VCAN: variants seen among roughly 807,000 people sequenced by gnomAD.
The protein encoded by VCAN is versican core protein.
In VCAN, 44 loss-of-function variants were observed where a neutral mutation model predicts 245.5. That is an observed-to-expected ratio of 0.18 (90% CI 0.14 to 0.23). VCAN has a LOEUF of 0.23. Ranked by LOEUF, VCAN falls within the 10% of genes least tolerant of loss-of-function variation. The pLI is 1.00. For missense variants in VCAN, 3,793 were observed against 4,057.9 expected (o/e 0.93, Z 1.77); for synonymous variants, 1,413 against 1,437.0 (o/e 0.98, Z 0.38).
In VCAN at chr5:83,537,308, A is replaced by G. The variant is rs533923958; in HGVS notation, c.4305A>G (p.Glu1435=). The G allele has an allele frequency of 6.2e-6, 10 of 1,613,984 alleles. No individual in the cohort carries two copies. In the East Asian group the frequency reaches 2.2e-4, roughly 36 times the overall value. Residue 1435 remains glutamate, a synonymous_variant, in exon 8 of 15, where the codon GAA becomes GAG. Transcript: ENST00000265077. ...CAGAAGCTAGGCGTGGCCAGTTTGA[A>G]AGTGTTGCACCTTCTCAGAATTTCT... ...EAAEARRGQF[E]SVAPSQNFSD...
At chr5:83,487,571 G>A (rs1400230624) in intron 2 of VCAN, among the ~76,000 whole-genome samples, 1 of 152,056 alleles carries the variant, frequency 6.6e-6, no homozygotes, top group Non-Finnish European at 1.5e-5. Flanking sequence ...TTTCGTTTTT[G>A]TGACCCAGTG....
rs570653687 is a variant in VCAN at position 83,576,538 on chromosome 5, G to A, written c.9881-3442G>A. Among the ~76,000 whole-genome samples the A allele has an allele frequency of 1.1e-4, 17 of 152,200 alleles. No individual in the cohort carries two copies. In the South Asian group the frequency reaches 3.5e-3, roughly 32 times the overall value. ...AAACAATGTTTCTATGAGCATTCTT[G>A]AACTTGTTCTTGGTCAACTTTTGTG... On this transcript the variant is annotated intron_variant, in intron 13 of 14. Transcript: ENST00000265077.
intron 6 of VCAN, among the ~76,000 whole-genome samples, chr5:83,516,088 C>T (rs753060783): frequency 5.5e-4 from 84 of 152,066 alleles, no homozygotes; most frequent in Non-Finnish European, 8.5e-4. Context: ...AAAAATTAGC[C>T]GGGCATGGTG....
At chr5:83,572,307 C>G (rs922565903) in intron 12 of VCAN, 109 bp from the exon 13 acceptor site, 67 of 1,347,848 alleles carry the variant, frequency 5.0e-5, no homozygotes, top group Admixed American at 3.4e-5. Flanking sequence ...CTATATGAAA[C>G]AACAGAAATT....
chr5:83,574,392 C>A (rs13164259), intron 13 of VCAN, among the ~76,000 whole-genome samples: 5,976 of 152,128 alleles, frequency 0.039, 184 homozygotes, highest in Non-Finnish European at 0.056. Flanking sequence ...GTTTTTAAAC[C>A]GTATTTAAAT....
intron 1 of VCAN, among the ~76,000 whole-genome samples, chr5:83,474,654 A>G (rs1744319877): frequency 6.6e-6 from 1 of 152,000 alleles, no homozygotes. Context: ...AGACTGCAGT[A>G]CAGCCGCACA....
chr5:83,560,468 G>A (rs1747826010), intron 12 of VCAN, among the ~76,000 whole-genome samples: 1 of 152,080 alleles, frequency 6.6e-6, no homozygotes, highest in African/African-American at 2.4e-5. Context: ...TGCATAAGGT[G>A]GGATAGGGCT....
chr5:83,575,545 A>G (rs1473477895), intron 13 of VCAN, among the ~76,000 whole-genome samples: 1 of 152,134 alleles, frequency 6.6e-6, no homozygotes, highest in Non-Finnish European at 1.5e-5. Flanking sequence ...TTTCTCCTAT[A>G]GCAGGGTTTC....
At position 83,553,500 on chromosome 5, in the gene VCAN, C is replaced by T. The variant is rs16900564; in HGVS notation, c.9630C>T (p.His3210=). The T allele has an allele frequency of 9.4e-3, 15,151 of 1,614,008 alleles. 1,265 individuals carry two copies. The African/African-American group carries it at 0.18, about 19-fold the overall frequency. ...CCCATCTCACAAGCATCCTGTCTCA[C>T]GAAGAACAAATGTTTGTTAATCGTA... The part of the protein sequence containing the change: ...QGAHLTSILS[H]EEQMFVNRVG... The change falls in exon 11 of 15, where the codon CAC becomes CAT. Residue 3210 remains histidine (H), a synonymous_variant. Transcript: ENST00000265077.
intron 6 of VCAN, among the ~76,000 whole-genome samples, chr5:83,514,549 C>G (rs1745783028): frequency 6.6e-6 from 1 of 151,006 alleles, no homozygotes; most frequent in Non-Finnish European, 1.5e-5. Context: ...CTTCCAGGTT[C>G]AAGTGATTCT....
At chr5:83,580,217 C>T (rs1255714343) in intron 14 of VCAN, 55 bp downstream of exon 14, 13 of 1,613,678 alleles carry the variant, frequency 8.1e-6, no homozygotes, top group Non-Finnish European at 1.1e-5. Flanking sequence ...TACTAGACAC[C>T]TTCATTTTAC....
rs1398076492 is a variant in VCAN, at chr5:83,581,773, C to T, written c.*1339C>T. ...CCATCTCTTCCCACTCTGTTTTCTCCCCATTATTTGAATAAAGTGACTGCT... is the reference window on the plus strand; with the variant it reads ...CCATCTCTTCCCACTCTGTTTTCTCTCCATTATTTGAATAAAGTGACTGCT... On this transcript the variant is annotated 3_prime_UTR_variant, in exon 15 of 15. Transcript: ENST00000265077. The T allele has an allele frequency of 6.6e-6, 1 of 152,084 alleles. No homozygotes were observed. The highest frequency in any genetic ancestry group is 6.6e-5 in the Admixed American group (1 of 15,264). 9.4% of individuals were successfully genotyped at this position (152,084 alleles called of 1,614,324 possible).
Position 83,539,205 on chromosome 5 carries a change from G to A in VCAN, c.6202G>A (p.Gly2068Ser). ...CATTTTACCAACAGCAGAAGTGGAAGGTACGAAAGCTCCAGTAGAGAAGGA... is the reference window on the plus strand; with the variant it reads ...CATTTTACCAACAGCAGAAGTGGAAAGTACGAAAGCTCCAGTAGAGAAGGA... ...STILPTAEVE[G>S]TKAPVEKEEV... The change falls in exon 8 of 15, where the codon GGT becomes AGT. Residue 2068 changes from glycine (G) to serine (S), a missense_variant. Coordinates refer to ENST00000265077, the MANE Select transcript of VCAN (RefSeq NM_004385.5). 6.2e-7 allele frequency: 1 copy of A among 1,613,948 alleles called. No homozygotes were observed. Among genetic ancestry groups the A allele is most frequent in the Non-Finnish European group, 8.5e-7 (1 of 1,179,970 alleles).
At chr5:83,482,671 C>A (rs1046888666) in intron 1 of VCAN, among the ~76,000 whole-genome samples, 4 of 152,176 alleles carry the variant, frequency 2.6e-5, no homozygotes, top group African/African-American at 9.7e-5. Flanking sequence ...TCTTCTCCTC[C>A]TCATCATTAT....
chr5:83,495,127 G>A (rs2112361163), intron 5 of VCAN, among the ~76,000 whole-genome samples: 1 of 152,218 alleles, frequency 6.6e-6, no homozygotes, highest in South Asian at 2.1e-4. Context: ...TTTTAATTTT[G>A]AGTAGGTGCA....
At chr5:83,551,480 C>A (rs1389993731) in intron 10 of VCAN, among the ~76,000 whole-genome samples, 1 of 151,544 alleles carries the variant, frequency 6.6e-6, no homozygotes, top group East Asian at 1.9e-4. Flanking sequence ...CCACTGCACT[C>A]CAGCCTGGGT....
chr5:83,493,938 T>C lies in VCAN; in HGVS notation c.748+7T>C, dbSNP rs1446184859. 1.2e-6 allele frequency: 2 copies of C among 1,613,920 alleles called. No individual in the cohort carries two copies. Among genetic ancestry groups the C allele is most frequent in the Non-Finnish European group, 1.7e-6 (2 of 1,179,970 alleles). On this transcript the variant is annotated splice_region_variant and intron_variant, in intron 5 of 14. Transcript: ENST00000265077. ...TATGTGGATCATCTGGATGGTAAGA[T>C]GTTTGAGTTTCTATATCTTCGTATG...
In VCAN at chr5:83,521,687, G is replaced by A. The variant is rs2112412503; in HGVS notation, c.3381G>A (p.Gly1127=). 1 of 1,613,884 alleles carries A rather than the reference G, an allele frequency of 6.2e-7. No homozygotes were observed. Among genetic ancestry groups the A allele is most frequent in the Non-Finnish European group, 8.5e-7 (1 of 1,180,012 alleles). Residue 1127 remains glycine, a synonymous_variant, in exon 7 of 15, where the codon GGG becomes GGA. Transcript: ENST00000265077. ...TGGTAACACTAACACCACGCATTGG[G>A]CCAAAAGTATCTTTAAGTCCAGGGC... ...DEVVTLTPRI[G]PKVSLSPGPE...
At chr5:83,529,575 G>T (rs1746441551) in intron 7 of VCAN, among the ~76,000 whole-genome samples, 1 of 151,930 alleles carries the variant, frequency 6.6e-6, no homozygotes, top group Non-Finnish European at 1.5e-5. Flanking sequence ...ATGGATTTTT[G>T]TATCCTCCTA....
Sources: gnomAD v4.1 joint callset for allele counts (sites outside exome capture counted in the v4.1 genomes callset) on GRCh38, gnomAD v4.1.1 for gene constraint, MANE v1.5 for transcripts, NCBI Gene and HGNC (gene_info 2026-07-23, HGNC 2026-07-21) for gene names.